The following RELN variants were observed in gnomAD, a reference collection of about 807,000 sequenced individuals.
RELN encodes reelin.
A neutral mutation model predicts 427.6 loss-of-function variants in RELN; 108 were observed. The ratio of observed to expected loss-of-function variants is 0.25; its 90% CI spans 0.22 to 0.30. The LOEUF (loss-of-function observed/expected upper bound fraction) is 0.30, where lower values mean the gene tolerates loss of function less well. Among genes scored for constraint, RELN ranks in the 10% least tolerant of loss-of-function variants. RELN has a pLI of 1.00. For missense variants in RELN, 3,715 were observed against 4,302.8 expected (o/e 0.86, Z 3.82); for synonymous variants, 1,524 against 1,513.4 (o/e 1.01, Z -0.16).
At chr7:103,516,936 A>T (rs964879716) in intron 49 of RELN, among the ~76,000 whole-genome samples, 3 of 151,956 alleles carry the variant, frequency 2.0e-5, no homozygotes, top group African/African-American at 7.3e-5. Context: ...AGCTGGATTT[A>T]TACAACTTGA....
At chr7:103,650,540 T>G (rs1166183827) in intron 15 of RELN, among the ~76,000 whole-genome samples, 157 bp from the exon 16 acceptor site, 1 of 152,136 alleles carries the variant, frequency 6.6e-6, no homozygotes, top group African/African-American at 2.4e-5. Flanking sequence ...TGTTTGTATC[T>G]TTAAAACAGA....
chr7:103,607,661 T>A (rs1269923910), intron 22 of RELN, among the ~76,000 whole-genome samples: 1 of 152,254 alleles, frequency 6.6e-6, no homozygotes, highest in Non-Finnish European at 1.5e-5. Context: ...CCTTCCCATA[T>A]AACTTGAAGA....
chr7:103,489,656 A>G (rs751054667), intron 60 of RELN, 86 bp downstream of exon 60: 41 of 1,489,736 alleles, frequency 2.8e-5, no homozygotes, highest in Non-Finnish European at 3.7e-5. Context: ...GTTTCTATCC[A>G]TTTCCTAGTG....
At chr7:103,611,165 T>C (rs1831945024) in intron 21 of RELN, among the ~76,000 whole-genome samples, 1 of 152,208 alleles carries the variant, frequency 6.6e-6, no homozygotes, top group South Asian at 2.1e-4. Flanking sequence ...TTTGTTGCAA[T>C]GGCAGATTGC....
intron 2 of RELN, among the ~76,000 whole-genome samples, chr7:103,898,568 A>G (rs1317134542): frequency 2.0e-5 from 3 of 152,072 alleles, no homozygotes; most frequent in Non-Finnish European, 4.4e-5. Flanking sequence ...AACAATAAAT[A>G]TCTATTTTTT....
At chr7:103,501,417 T>C (rs1048223691) in intron 52 of RELN, among the ~76,000 whole-genome samples, 1 of 152,222 alleles carries the variant, frequency 6.6e-6, no homozygotes, top group Non-Finnish European at 1.5e-5. Context: ...AGAGTAACTA[T>C]GCTAATTAGA....
chr7:103,748,097 G>C (rs554207536), intron 6 of RELN, among the ~76,000 whole-genome samples: 1 of 146,856 alleles, frequency 6.8e-6, no homozygotes, highest in Non-Finnish European at 1.5e-5. Flanking sequence ...CAAAATGTCT[G>C]AAGGAAAAAA....
At position 103,682,177 on chromosome 7, in the gene RELN, C is replaced by G; in HGVS notation, c.1228G>C (p.Asp410His). The G allele has an allele frequency of 3.1e-6, 5 of 1,613,950 alleles. No individual in the cohort carries two copies. Among genetic ancestry groups the G allele is most frequent in the Non-Finnish European group, 4.2e-6 (5 of 1,179,886 alleles). The change falls in exon 11 of 65, where the codon GAT (aspartate) becomes CAT (histidine). Residue 410 changes from aspartate (D) to histidine (H), a missense_variant. Around this residue, in one of 4 missense-constraint regions of RELN, gnomAD observed 2,208 missense variants for 2,361.7 expected, o/e 0.93. Transcript: ENST00000428762. Reference sequence around the variant, plus strand: ...TCTTGAATATCTTCTGTGGAAAGATCTACATCCCTGGTGGTGGCAAAATTG... The same window carrying G: ...TCTTGAATATCTTCTGTGGAAAGATGTACATCCCTGGTGGTGGCAAAATTG... Reference protein sequence around the residue: ...EFNFATTRDVDLSTEDIQEQW... With the variant: ...EFNFATTRDVHLSTEDIQEQW...
At chr7:103,575,729 G>T (rs1459197437) in intron 28 of RELN, 24 bp from the exon 29 acceptor site, 1 of 1,613,688 alleles carries the variant, frequency 6.2e-7, no homozygotes, top group South Asian at 1.1e-5. Context: ...CAACACACCT[G>T]TTTCTTGTAC....
chr7:103,777,494 G>A (rs925284712), intron 3 of RELN, among the ~76,000 whole-genome samples: 1 of 152,072 alleles, frequency 6.6e-6, no homozygotes, highest in African/African-American at 2.4e-5. Flanking sequence ...AACCATCCTA[G>A]GGCAAAAATA....
chr7:103,935,732 T>C (rs527581894), intron 1 of RELN, among the ~76,000 whole-genome samples: 1 of 152,200 alleles, frequency 6.6e-6, no homozygotes, highest in Admixed American at 6.5e-5. Flanking sequence ...GAATACATAA[T>C]TATGTAACAT....
At chr7:103,651,962 T>A (rs1832925968) in intron 14 of RELN, among the ~76,000 whole-genome samples, 173 bp from the exon 15 acceptor site, 1 of 152,124 alleles carries the variant, frequency 6.6e-6, no homozygotes, top group African/African-American at 2.4e-5. Flanking sequence ...TCTGACCAGC[T>A]TTCAAAGGGC....
At chr7:103,679,747 C>A (rs1438703499) in intron 11 of RELN, among the ~76,000 whole-genome samples, 2 of 151,506 alleles carry the variant, frequency 1.3e-5, no homozygotes, top group East Asian at 3.9e-4. Flanking sequence ...GCCAAAAATT[C>A]TCTTATATTA....
At chr7:103,705,070 G>A (rs1434621249) in intron 8 of RELN, among the ~76,000 whole-genome samples, 2 of 152,072 alleles carry the variant, frequency 1.3e-5, no homozygotes, top group African/African-American at 4.8e-5. Context: ...CTCCTTTGTG[G>A]CCCTTTTCCT....
chr7:103,968,578 A>G lies in RELN; in HGVS notation c.226+20553T>C, dbSNP rs1057005003. Among the ~76,000 whole-genome samples the G allele has an allele frequency of 6.6e-6, 1 of 152,228 alleles. No homozygotes were observed. Among genetic ancestry groups the G allele is most frequent in the Admixed American group, 6.5e-5 (1 of 15,280 alleles). On this transcript the variant is annotated intron_variant, in intron 1 of 64. Coordinates refer to ENST00000428762, the MANE Select transcript of RELN (RefSeq NM_005045.4). The surrounding 1 kb of genome is among the most constrained non-coding windows in gnomAD (Gnocchi z 4.3). ...GATCTCCTCAATGAGAGATCCAAGA[A>G]GACAAAGGATATTACTGCTTCCTTA...
intron 20 of RELN, among the ~76,000 whole-genome samples, chr7:103,623,434 T>C (rs2117318572): frequency 6.6e-6 from 1 of 152,346 alleles, no homozygotes; most frequent in East Asian, 1.9e-4. Flanking sequence ...CAAAATTTAC[T>C]TGGCTGTTAT....
At chr7:103,842,229 A>T (rs1277842813) in intron 2 of RELN, among the ~76,000 whole-genome samples, 2 of 152,102 alleles carry the variant, frequency 1.3e-5, no homozygotes, top group Non-Finnish European at 2.9e-5. Flanking sequence ...CTTTCTTTAA[A>T]AGGGATATCT....
chr7:103,593,959 C>T (rs1044943770), intron 26 of RELN, 77 bp from the exon 27 acceptor site: 2 of 1,059,302 alleles, frequency 1.9e-6, no homozygotes, highest in East Asian at 2.5e-5. Flanking sequence ...CATTTCATGA[C>T]ATGCTGGGCC....
chr7:103,697,879 G>C lies in RELN; in HGVS notation c.1117C>G (p.Leu373Val). Reference protein sequence around the residue: ...SLDPVDTGNWLFFPGATVKHS... With the variant: ...SLDPVDTGNWVFFPGATVKHS... ...TTAACTGTAGCTCCTGGGAAGAAAA[G>C]CCAGTTGCCTGTGTCCACTGGGTCG... The change falls in exon 10 of 65, where the codon CTT (leucine) becomes GTT (valine). Residue 373 changes from leucine (L) to valine (V), a missense_variant. By Grantham distance (32) the Leu-to-Val change is conservative. This residue lies in a region of RELN where 2,208 missense variants were observed against 2,361.7 expected (regional missense o/e 0.93). Coordinates refer to ENST00000428762, the MANE Select transcript of RELN (RefSeq NM_005045.4). The C allele has an allele frequency of 6.2e-7, 1 of 1,613,664 alleles. No homozygotes were observed. The highest frequency in any genetic ancestry group is 2.2e-5 in the East Asian group (1 of 44,854).
Sources: allele counts gnomAD v4.1 joint callset (sites outside exome capture counted in the v4.1 genomes callset), GRCh38; gene constraint gnomAD v4.1.1; regional missense constraint gnomAD v4.1.1; non-coding constraint Gnocchi (gnomAD v3.1); transcripts MANE v1.5; gene names NCBI Gene and HGNC (gene_info 2026-07-23, HGNC 2026-07-21).